COL23A1: variants seen among roughly 807,000 people sequenced by gnomAD.
The protein encoded by COL23A1 is collagen type XXIII alpha 1 chain.
COL23A1 carries 97 observed loss-of-function variants against 99.3 expected under a neutral mutation model. The ratio of observed to expected loss-of-function variants is 0.98; its 90% confidence interval spans 0.83 to 1.16. COL23A1 has a LOEUF of 1.16. Ranked by LOEUF, COL23A1 falls within the 50% of genes most tolerant of loss-of-function variation. The pLI is 0.00. For synonymous variants in COL23A1, 320 were observed against 308.2 expected (o/e 1.04, Z -0.40); for missense variants, 762 against 757.4 (o/e 1.01, Z -0.07).
At chr5:178,560,515 G>A (rs985219300) in intron 2 of COL23A1, among the ~76,000 whole-genome samples, 167 bp downstream of exon 2, 36 of 152,114 alleles carry the variant, frequency 2.4e-4, no homozygotes, top group African/African-American at 7.7e-4. Context: ...GCTGGAAACC[G>A]ACCAGAGAGC....
chr5:178,308,067 ATGTG>A lies in COL23A1; in HGVS notation c.362-1152_362-1149del, dbSNP rs1292539672. On this transcript the variant is annotated intron_variant, in intron 2 of 28. Coordinates refer to ENST00000390654, the MANE Select transcript of COL23A1 (RefSeq NM_173465.4). The surrounding 1 kb of genome is among the most constrained non-coding windows in gnomAD (Gnocchi z 5.1). ...TCTCTATGTATGTGTGTTTGTGTGC[ATGTG>A]TGTGTCTGTGTTTTTGTGTCTGTGT... is the stretch of plus-strand genomic sequence containing the variant. Among the ~76,000 whole-genome samples, 4 of 151,276 alleles carry A rather than the reference ATGTG, an allele frequency of 2.6e-5. No individual in the cohort carries two copies. The highest frequency in any genetic ancestry group is 4.9e-5 in the African/African-American group (2 of 40,970).
rs532309589 is a variant in COL23A1 at position 178,358,804 on chromosome 5, ATG to A, written c.362-51887_362-51886del. 3.2e-4 allele frequency among the ~76,000 whole-genome samples: 48 copies of A among 152,160 alleles called. No individual in the cohort carries two copies. The South Asian group carries it at 7.0e-3, about 22-fold the overall frequency. On this transcript the variant is annotated intron_variant, in intron 2 of 28. Coordinates refer to ENST00000390654, the MANE Select transcript of COL23A1 (RefSeq NM_173465.4). ...GTATGTGTGTAAACATGATATACCCATGTGTGATTTGTATATAAGCCCCCACT... is the reference window on the plus strand; with the variant it reads ...GTATGTGTGTAAACATGATATACCCATGTGATTTGTATATAAGCCCCCACT...
At chr5:178,261,536 T>G (rs1765622416) in intron 11 of COL23A1, among the ~76,000 whole-genome samples, 186 bp downstream of exon 11, 1 of 152,188 alleles carries the variant, frequency 6.6e-6, no homozygotes, top group Non-Finnish European at 1.5e-5. Context: ...TGCCTCCATT[T>G]AACAGATGAC....
intron 2 of COL23A1, among the ~76,000 whole-genome samples, chr5:178,499,337 A>C (rs1289553085): frequency 6.6e-6 from 1 of 152,134 alleles, no homozygotes; most frequent in Non-Finnish European, 1.5e-5. Flanking sequence ...ACAGCGGAAA[A>C]ATCAGACACA....
intron 25 of COL23A1, among the ~76,000 whole-genome samples, chr5:178,242,847 G>A (rs1764481740): frequency 6.6e-6 from 1 of 152,184 alleles, no homozygotes; most frequent in South Asian, 2.1e-4. Flanking sequence ...CCCAACCAAG[G>A]TGGCTTAACA....
At chr5:178,465,337 A>G (rs2127913979) in intron 2 of COL23A1, among the ~76,000 whole-genome samples, 1 of 152,256 alleles carries the variant, frequency 6.6e-6, no homozygotes, top group East Asian at 1.9e-4. Flanking sequence ...AAAGCCTGAC[A>G]TTCTTTAGCG....
At chr5:178,517,896 T>TAAATTTA (rs1269894869) in intron 2 of COL23A1, among the ~76,000 whole-genome samples, 1 of 136,528 alleles carries the variant, frequency 7.3e-6, no homozygotes, top group African/African-American at 2.7e-5. Context: ...TTTTTTTTTT[T>TAAATTTA]TTTTTTAATT....
intron 2 of COL23A1, among the ~76,000 whole-genome samples, chr5:178,363,633 G>C (rs1373961239): frequency 9.9e-5 from 15 of 152,044 alleles, no homozygotes; most frequent in Admixed American, 1.3e-4. Context: ...ACACTCCCTC[G>C]ACCCACAGTC....
In COL23A1 at chr5:178,418,891, C is replaced by A. The variant is rs10042856; in HGVS notation, c.362-111972G>T. On this transcript the variant is annotated intron_variant, in intron 2 of 28. Coordinates refer to ENST00000390654, the MANE Select transcript of COL23A1 (RefSeq NM_173465.4). ...GTATCATGCAAAGACTAGGATCATG[C>A]AATTACAGGTTTACTGTCACCACCC... Among the ~76,000 whole-genome samples, 828 of 152,256 alleles carry A rather than the reference C, an allele frequency of 5.4e-3. 6 individuals carry two copies. The highest frequency in any genetic ancestry group is 0.018 in the African/African-American group (738 of 41,552).
At chr5:178,584,843 T>C in intron 1 of COL23A1, among the ~76,000 whole-genome samples, 1 of 152,014 alleles carries the variant, frequency 6.6e-6, no homozygotes, top group East Asian at 1.9e-4. Flanking sequence ...GGCTGGGGAG[T>C]GGCTGGTCAC....
At chr5:178,367,114 G>A (rs894575411) in intron 2 of COL23A1, among the ~76,000 whole-genome samples, 4 of 152,168 alleles carry the variant, frequency 2.6e-5, no homozygotes, top group Non-Finnish European at 5.9e-5. Flanking sequence ...TTGCGGTCAC[G>A]TCAGACATTT....
At chr5:178,497,614 C>T (rs925112135) in intron 2 of COL23A1, among the ~76,000 whole-genome samples, 8 of 152,090 alleles carry the variant, frequency 5.3e-5, no homozygotes, top group African/African-American at 1.9e-4. Context: ...AAAATGTTTA[C>T]AGAAACATGT....
intron 2 of COL23A1, among the ~76,000 whole-genome samples, chr5:178,509,733 C>T (rs1348103283): frequency 2.6e-5 from 4 of 152,202 alleles, no homozygotes; most frequent in South Asian, 2.1e-4. Flanking sequence ...ACCACCGCCC[C>T]GCCCCAAGTG....
chr5:178,405,162 G>A (rs189891890), intron 2 of COL23A1, among the ~76,000 whole-genome samples: 58 of 152,342 alleles, frequency 3.8e-4, no homozygotes, highest in South Asian at 6.2e-4. Context: ...TTGCATGCCC[G>A]CAGCGTGTCT....
intron 1 of COL23A1, 72 bp from the exon 2 acceptor site, chr5:178,560,820 A>T: frequency 6.9e-7 from 1 of 1,445,756 alleles, no homozygotes; most frequent in Non-Finnish European, 9.5e-7. Flanking sequence ...GTAAAAGTGG[A>T]AACATCAGCA....
intron 1 of COL23A1, among the ~76,000 whole-genome samples, chr5:178,573,534 T>C (rs1458496484): frequency 6.6e-6 from 1 of 152,262 alleles, no homozygotes; most frequent in Non-Finnish European, 1.5e-5. Flanking sequence ...TGATAGGTCC[T>C]GAAATACATT....
At chr5:178,261,479 A>T (rs1164891116) in intron 11 of COL23A1, among the ~76,000 whole-genome samples, 1 of 152,166 alleles carries the variant, frequency 6.6e-6, no homozygotes, top group African/African-American at 2.4e-5. Context: ...GTGTTTTATG[A>T]TTCAACCCTC....
intron 1 of COL23A1, chr5:178,562,268 A>C: frequency 3.1e-6 from 1 of 319,056 alleles, no homozygotes; most frequent in Admixed American, 4.2e-5. Flanking sequence ...AAAAAAAAAG[A>C]ATGGAGCCGC....
intron 2 of COL23A1, among the ~76,000 whole-genome samples, chr5:178,364,473 A>T (rs540466081): frequency 1.7e-5 from 2 of 115,116 alleles, no homozygotes; most frequent in East Asian, 9.6e-4. Context: ...CTGTGCAGAG[A>T]GTACTCAGCC....
Sources: gnomAD v4.1 joint callset for allele counts (sites outside exome capture counted in the v4.1 genomes callset) on GRCh38, gnomAD v4.1.1 for gene constraint, Gnocchi (gnomAD v3.1) non-coding constraint, MANE v1.5 for transcripts, NCBI Gene and HGNC (gene_info 2026-07-23, HGNC 2026-07-21) for gene names.